Variants in GALNT13 observed in about 807,000 individuals in gnomAD.
The protein encoded by GALNT13 is UDP-GalNAc:polypeptide N-acetylgalactosaminyltransferase 13.
Under a neutral mutation model 64.2 loss-of-function variants are expected in GALNT13, and 28 were observed. That is an observed-to-expected ratio of 0.44 (90% CI 0.32 to 0.60). The LOEUF (loss-of-function observed/expected upper bound fraction) is 0.60, where lower values mean the gene tolerates loss of function less well. Ranked by LOEUF, GALNT13 falls within the 20% of genes least tolerant of loss-of-function variation. The probability of loss-of-function intolerance (pLI) is 0.05; values close to 1 mark genes in which losing one functional copy is unlikely to be tolerated. For missense variants in GALNT13, 577 were observed against 669.8 expected (o/e 0.86, Z 1.53); for synonymous variants, 214 against 224.6 (o/e 0.95, Z 0.42).
At chr2:153,408,966 A>G in the GALNT13 span, among the ~76,000 whole-genome samples, 1 of 151,968 alleles carries the variant, frequency 6.6e-6, no homozygotes, top group Admixed American at 6.5e-5. Flanking sequence ...AGGTGGAGTG[A>G]GCAGACTTGC....
At chr2:153,113,115 G>A in the GALNT13 span, among the ~76,000 whole-genome samples, 134 of 152,158 alleles carry the variant, frequency 8.8e-4, no homozygotes, top group Admixed American at 2.8e-3. Context: ...TCAAAAACAT[G>A]TTTACATAAA....
chr2:153,527,912 A>G, the GALNT13 span, among the ~76,000 whole-genome samples: 1 of 152,068 alleles, frequency 6.6e-6, no homozygotes, highest in Non-Finnish European at 1.5e-5. Context: ...ACCTCAAACC[A>G]AAGAACATAC....
the GALNT13 span, among the ~76,000 whole-genome samples, chr2:153,348,512 T>C: frequency 5.3e-5 from 8 of 152,238 alleles, no homozygotes; most frequent in Admixed American, 5.2e-4. Flanking sequence ...ACAAGCTTTG[T>C]TCTTCTTGAA....
the GALNT13 span, among the ~76,000 whole-genome samples, chr2:153,128,642 A>G: frequency 1.3e-5 from 2 of 152,164 alleles, no homozygotes; most frequent in African/African-American, 4.8e-5. Flanking sequence ...ATTTCAATCT[A>G]TATTTTTCTG....
At chr2:153,513,085 G>A in the GALNT13 span, among the ~76,000 whole-genome samples, 15 of 152,264 alleles carry the variant, frequency 9.9e-5, no homozygotes, top group South Asian at 4.1e-4. Flanking sequence ...AACCCATAGC[G>A]TAAAATAAAT....
chr2:153,764,698 A>T, the GALNT13 span, among the ~76,000 whole-genome samples: 2 of 152,208 alleles, frequency 1.3e-5, no homozygotes, highest in African/African-American at 4.8e-5. Flanking sequence ...AATGGGGAAA[A>T]TGTCTCCAGG....
At chr2:154,390,178 A>G (rs961843506) in intron 9 of GALNT13, among the ~76,000 whole-genome samples, 2 of 152,210 alleles carry the variant, frequency 1.3e-5, no homozygotes, top group South Asian at 2.1e-4. Context: ...TGATTTCTCT[A>G]AAGAGTGAAT....
At chr2:154,123,535 C>A (rs938984678) in intron 3 of GALNT13, among the ~76,000 whole-genome samples, 7 of 151,866 alleles carry the variant, frequency 4.6e-5, no homozygotes, top group African/African-American at 1.4e-4. Flanking sequence ...AACATGGCTA[C>A]ACACTCAATA....
the GALNT13 span, among the ~76,000 whole-genome samples, chr2:153,595,369 A>G: frequency 1.1e-4 from 16 of 151,952 alleles, no homozygotes; most frequent in Non-Finnish European, 1.9e-4. Context: ...ATGTTTGTTT[A>G]TAACAATAAA....
At chr2:154,076,250 T>G (rs916279688) in intron 3 of GALNT13, among the ~76,000 whole-genome samples, 3 of 151,772 alleles carry the variant, frequency 2.0e-5, no homozygotes, top group Non-Finnish European at 4.4e-5. Flanking sequence ...ATCATTTTAG[T>G]GCACATTGCT....
At chr2:153,274,525 A>C in the GALNT13 span, among the ~76,000 whole-genome samples, 33,489 of 152,160 alleles carry the variant, frequency 0.22, 4,179 homozygotes, top group Non-Finnish European at 0.28. Context: ...GGCTGAAAAG[A>C]GTCCCAGGCT....
chr2:153,095,131 T>G, the GALNT13 span, among the ~76,000 whole-genome samples: 6 of 152,236 alleles, frequency 3.9e-5, no homozygotes, highest in African/African-American at 1.4e-4. Context: ...ATTTTTGCAA[T>G]CTACCCATCT....
the GALNT13 span, among the ~76,000 whole-genome samples, chr2:153,391,752 T>G: frequency 6.6e-6 from 1 of 151,954 alleles, no homozygotes; most frequent in African/African-American, 2.4e-5. Flanking sequence ...GTGCAAAGTC[T>G]TGCTTCTGTG....
At chr2:154,221,883 C>G (rs2105823858) in intron 4 of GALNT13, among the ~76,000 whole-genome samples, 1 of 152,140 alleles carries the variant, frequency 6.6e-6, no homozygotes, top group African/African-American at 2.4e-5. Context: ...AGTAGGCTTT[C>G]CTTTTTCCCA....
chr2:153,184,238 G>A, the GALNT13 span, among the ~76,000 whole-genome samples: 16 of 152,124 alleles, frequency 1.1e-4, no homozygotes, highest in Non-Finnish European at 2.4e-4. Flanking sequence ...TGGCAGTTGT[G>A]AATAGGAGTT....
At chr2:153,278,764 G>A in the GALNT13 span, among the ~76,000 whole-genome samples, 5 of 151,834 alleles carry the variant, frequency 3.3e-5, no homozygotes, top group African/African-American at 7.3e-5. Context: ...TGCAGCTTCC[G>A]TCACAGTTTG....
chr2:153,197,850 C>T, the GALNT13 span, among the ~76,000 whole-genome samples: 6 of 152,180 alleles, frequency 3.9e-5, no homozygotes. Context: ...AAGTGTGCGG[C>T]AGCCTTGCTG....
chr2:154,051,722 A>T (rs1477950136), intron 3 of GALNT13, among the ~76,000 whole-genome samples: 1 of 152,228 alleles, frequency 6.6e-6, no homozygotes. Flanking sequence ...TACTACTGTT[A>T]TTAAATGGAA....
chr2:154,421,610 A>AATT (rs74279761), intron 11 of GALNT13, among the ~76,000 whole-genome samples: 3 of 151,960 alleles, frequency 2.0e-5, no homozygotes, highest in Admixed American at 2.0e-4. Flanking sequence ...ATTTTTTTCC[A>AATT]AATCTATTCT....
Sources: allele counts gnomAD v4.1 joint callset (sites outside exome capture counted in the v4.1 genomes callset), GRCh38; gene constraint gnomAD v4.1.1; transcripts MANE v1.5; gene names NCBI Gene and HGNC (gene_info 2026-07-23, HGNC 2026-07-21).